Variants in RGS3 observed in about 807,000 individuals in gnomAD.
The protein encoded by RGS3 is regulator of G protein signaling 3, also known as regulator of G-protein signalling 3.
In RGS3, 80 loss-of-function variants were observed where a neutral mutation model predicts 132.6. The ratio of observed to expected loss-of-function variants is 0.60; its 90% confidence interval spans 0.50 to 0.73. The LOEUF is 0.73. Among genes scored for constraint, RGS3 ranks in the 30% least tolerant of loss-of-function variants. The pLI, the probability that RGS3 is intolerant of heterozygous loss-of-function variation, is 0.00. For synonymous variants in RGS3, 598 were observed against 620.6 expected, an observed-to-expected ratio of 0.96 and a Z score of 0.54; for missense variants, 1,382 against 1,530.8, an observed-to-expected ratio of 0.90 and a Z score of 1.62.
At chr9:113,501,191 C>G (rs2119295715) in intron 10 of RGS3, among the ~76,000 whole-genome samples, 1 of 152,248 alleles carries the variant, frequency 6.6e-6, no homozygotes, top group African/African-American at 2.4e-5. Flanking sequence ...ATAGAGCAGC[C>G]ACGTTTTCTG....
chr9:113,595,737 A>C, exon 24 of RGS3: 1 of 1,614,100 alleles, frequency 6.2e-7, no homozygotes, highest in South Asian at 1.1e-5. Flanking sequence ...ATCTTTGCTG[A>C]ATACATCGCG....
At chr9:113,447,337 A>G (rs1771223) in intron 1 of RGS3, among the ~76,000 whole-genome samples, 6,898 of 53,428 alleles carry the variant, frequency 0.13, 1,182 homozygotes, top group African/African-American at 0.33. Flanking sequence ...ATGTATATAT[A>G]TATATATATA....
Position 113,565,754 on chromosome 9 carries a change from G to A in RGS3, c.2038-17696G>A. ...GGGTAGGTACCTTGGTGACAGGACT[G>A]TGTGTGTGGTGGGCGGGCATCCAAG... On this transcript the variant is annotated intron_variant, in intron 19 of 24. Coordinates refer to ENST00000350696, the Ensembl canonical transcript of RGS3. This position sits in a 1 kb window ranked among gnomAD's most constrained non-coding sequence, Gnocchi z 5.7. 1 of 206,220 alleles carries A rather than the reference G, an allele frequency of 4.8e-6. No homozygotes were observed. The highest frequency in any genetic ancestry group is 1.0e-5 in the Non-Finnish European group (1 of 98,990). 12.8% of individuals were successfully genotyped at this position (206,220 alleles called of 1,614,324 possible).
intron 19 of RGS3, among the ~76,000 whole-genome samples, chr9:113,577,213 A>G (rs1409978847): frequency 6.6e-6 from 1 of 151,988 alleles, no homozygotes; most frequent in East Asian, 1.9e-4. Context: ...CGAACTCCTG[A>G]CCTGAGGTGA....
chr9:113,581,549 T>C (rs1188003951), intron 19 of RGS3: 1 of 152,246 alleles, frequency 6.6e-6, no homozygotes. Context: ...AACACCACCA[T>C]CTTCTGTAGG....
At chr9:113,538,820 G>A (rs369434875) in intron 19 of RGS3, among the ~76,000 whole-genome samples, 9 of 152,198 alleles carry the variant, frequency 5.9e-5, no homozygotes, top group African/African-American at 1.7e-4. Context: ...CCCAAGTGCT[G>A]GGACAGCCTC....
At position 113,506,320 on chromosome 9, in the gene RGS3, GA is replaced by G. The variant is rs1831130579; in HGVS notation, c.980-67del. On this transcript the variant is annotated intron_variant, in intron 11 of 24. Coordinates refer to ENST00000350696, the Ensembl canonical transcript of RGS3. The surrounding 1 kb of genome is among the most constrained non-coding windows in gnomAD (Gnocchi z 4.7). ...GTCTGAGGTCACCATGGCAGCAAAG[GA>G]CTCCAGATCCTTTGAAGGGGTCTTA... 1 of 956,082 alleles carries G rather than the reference GA, an allele frequency of 1.0e-6. No individual in the cohort carries two copies. The highest frequency in any genetic ancestry group is 1.6e-5 in the African/African-American group (1 of 61,188). The allele number at this position is 956,082 out of a possible 1,614,324, so 59.2% of individuals were successfully genotyped here. A position where few individuals can be genotyped will look rare whatever the true frequency, so the allele number is the denominator to read the frequency against.
At chr9:113,495,615 A>G (rs574698442) in intron 7 of RGS3, among the ~76,000 whole-genome samples, 171 bp from the exon 6 acceptor site, 1 of 152,340 alleles carries the variant, frequency 6.6e-6, no homozygotes, top group South Asian at 2.1e-4. Context: ...AATGGAGATA[A>G]TAGCTCCTCT....
intron 19 of RGS3, chr9:113,580,810 G>T: frequency 1.0e-6 from 1 of 985,792 alleles, no homozygotes; most frequent in Non-Finnish European, 1.2e-6. Context: ...TGGGTTTGTT[G>T]CTGCACTTTC....
At chr9:113,449,485 C>G (rs1829191029) in intron 1 of RGS3, among the ~76,000 whole-genome samples, 1 of 151,976 alleles carries the variant, frequency 6.6e-6, no homozygotes, top group Non-Finnish European at 1.5e-5. Context: ...AAATGAAAGC[C>G]CAAGTGGGAG....
intron 3 of RGS3, among the ~76,000 whole-genome samples, chr9:113,462,883 C>T (rs999947238): frequency 3.9e-5 from 6 of 152,188 alleles, no homozygotes; most frequent in East Asian, 1.9e-4. Context: ...TAGATTTACA[C>T]GAGACTAACA....
chr9:113,488,486 AT>A (rs1352422389), intron 7 of RGS3, among the ~76,000 whole-genome samples: 6 of 152,340 alleles, frequency 3.9e-5, no homozygotes, highest in Non-Finnish European at 2.9e-5. Context: ...GGACAGGCCA[AT>A]GAAGGGAAGG....
Position 113,463,133 on chromosome 9 carries a change from G to C in RGS3, c.415+932G>C, listed in dbSNP as rs1468874044. 1.3e-5 allele frequency among the ~76,000 whole-genome samples: 2 copies of C among 152,152 alleles called. No homozygotes were observed. The highest frequency in any genetic ancestry group is 2.9e-5 in the Non-Finnish European group (2 of 68,024). ...GTCCGATGGCATCAGGCTGTGGGAC[G>C]GGGGGCCATCAGGTTGGTTGGAGCA... On this transcript the variant is annotated intron_variant, in intron 3 of 24. Coordinates refer to ENST00000350696, the Ensembl canonical transcript of RGS3. The surrounding 1 kb of genome is among the most constrained non-coding windows in gnomAD (Gnocchi z 4.6).
chr9:113,514,964 G>A (rs1301274224), intron 15 of RGS3, among the ~76,000 whole-genome samples: 1 of 152,046 alleles, frequency 6.6e-6, no homozygotes, highest in East Asian at 1.9e-4. Flanking sequence ...CATGTCACAG[G>A]GACTGTTTGC....
chr9:113,479,284 C>G, intron 3 of RGS3: 1 of 619,602 alleles, frequency 1.6e-6, no homozygotes, highest in Non-Finnish European at 2.9e-6. Context: ...TAGAGAACCA[C>G]TGCTGGAGGC....
chr9:113,590,446 A>G (rs1835361928), intron 20 of RGS3, among the ~76,000 whole-genome samples: 1 of 131,880 alleles, frequency 7.6e-6, no homozygotes, highest in Non-Finnish European at 1.6e-5. Context: ...GCATTCATAT[A>G]TCCATCCACT....
chr9:113,568,033 G>A (rs1380770746), intron 19 of RGS3, among the ~76,000 whole-genome samples: 4 of 152,214 alleles, frequency 2.6e-5, no homozygotes, highest in African/African-American at 4.8e-5. Context: ...AAGCAACTGC[G>A]GTTTTTGCCA....
chr9:113,507,207 C>G lies in RGS3; in HGVS notation c.1086-80C>G. On this transcript the variant is annotated intron_variant, in intron 12 of 24. Transcript: ENST00000350696. This position sits in a 1 kb window ranked among gnomAD's most constrained non-coding sequence, Gnocchi z 5.0. ...CTGCCTCCTCTTCCCCCATTATCCTCTCTGCCCTGTGGGCCCTCACTCTGG... is the reference window on the plus strand; with the variant it reads ...CTGCCTCCTCTTCCCCCATTATCCTGTCTGCCCTGTGGGCCCTCACTCTGG... 1.7e-6 allele frequency: 2 copies of G among 1,181,562 alleles called. No homozygotes were observed. The highest frequency in any genetic ancestry group is 2.2e-4 in the Middle Eastern group (1 of 4,594). 73.2% of individuals were successfully genotyped at this position (1,181,562 alleles called of 1,614,324 possible).
intron 15 of RGS3, 81 bp downstream of exon 13, chr9:113,514,735 A>AGTCATCATCCC: frequency 2.1e-6 from 3 of 1,409,542 alleles, no homozygotes; most frequent in Non-Finnish European, 2.9e-6. Context: ...CTCAGGGATG[A>AGTCATCATCCC]TGACTTATCC....
Sources: gnomAD v4.1 joint callset for allele counts (sites outside exome capture counted in the v4.1 genomes callset) on GRCh38, gnomAD v4.1.1 for gene constraint, Gnocchi (gnomAD v3.1) non-coding constraint, MANE v1.5 for transcripts, NCBI Gene and HGNC (gene_info 2026-07-23, HGNC 2026-07-21) for gene names.